PAPOLG: variants seen among roughly 807,000 people sequenced by gnomAD.
PAPOLG encodes PAP-gamma.
A neutral mutation model predicts 99.0 loss-of-function variants in PAPOLG; 40 were observed. The ratio of observed to expected loss-of-function variants is 0.40; its 90% CI spans 0.31 to 0.53. PAPOLG has a LOEUF of 0.53. PAPOLG is among the 20% of genes least tolerant of loss of function. PAPOLG has a pLI of 0.41. For synonymous variants in PAPOLG, 310 were observed against 299.3 expected (o/e 1.04, Z -0.37); for missense variants, 675 against 884.1 (o/e 0.76, Z 3.00).
At chr2:60,794,212 G>T (rs184253434) in intron 19 of PAPOLG, 21 bp downstream of exon 19, 2 of 1,599,556 alleles carry the variant, frequency 1.3e-6, no homozygotes, top group East Asian at 2.2e-5. Context: ...AACTTTAGTG[G>T]TAATTCAGTA....
intron 8 of PAPOLG, among the ~76,000 whole-genome samples, chr2:60,776,691 G>A (rs1365052197): frequency 6.6e-6 from 1 of 152,130 alleles, no homozygotes; most frequent in African/African-American, 2.4e-5. Flanking sequence ...GCCTCCCAAA[G>A]TGCTGGGATT....
chr2:60,796,924 T>G (rs1253925927), intron 21 of PAPOLG, 138 bp from the exon 22 acceptor site: 1 of 1,041,858 alleles, frequency 9.6e-7, no homozygotes, highest in African/African-American at 1.6e-5. Context: ...AAGGAAATAT[T>G]CATTGCATAC....
chr2:60,758,443 T>G (rs1573213042), intron 1 of PAPOLG, among the ~76,000 whole-genome samples: 1 of 148,918 alleles, frequency 6.7e-6, no homozygotes, highest in Non-Finnish European at 1.5e-5. Flanking sequence ...TTTTTTTTTT[T>G]TGAGACGGAG....
At chr2:60,786,752 A>G (rs1233821940) in intron 13 of PAPOLG, among the ~76,000 whole-genome samples, 195 bp from the exon 14 acceptor site, 1 of 151,416 alleles carries the variant, frequency 6.6e-6, no homozygotes, top group Admixed American at 6.6e-5. Context: ...CTGGTCTTGA[A>G]CTCCTGACCT....
Position 60,797,281 on chromosome 2 carries a change from C to A in PAPOLG, c.*121C>A. ...TAAGGTGAAAGTGACAGCCTTCAGT[C>A]TAATAACCTTGAAGTGGTTTTTGAA... On this transcript the variant is annotated 3_prime_UTR_variant, in exon 22 of 22. Transcript: ENST00000238714. The A allele has an allele frequency of 1.6e-6, 2 of 1,263,874 alleles. No individual in the cohort carries two copies. The highest frequency in any genetic ancestry group is 2.2e-6 in the Non-Finnish European group (2 of 897,620). 78.3% of individuals were successfully genotyped at this position (1,263,874 alleles called of 1,614,324 possible).
intron 10 of PAPOLG, among the ~76,000 whole-genome samples, chr2:60,781,325 C>G (rs540530234): frequency 2.0e-5 from 3 of 151,940 alleles, no homozygotes; most frequent in African/African-American, 7.2e-5. Context: ...CCACTGCACT[C>G]CAGCCTGGGT....
intron 7 of PAPOLG, among the ~76,000 whole-genome samples, chr2:60,772,919 T>C (rs1264775308): frequency 6.6e-6 from 1 of 151,256 alleles, no homozygotes; most frequent in Non-Finnish European, 1.5e-5. Context: ...CTGGTCTTTT[T>C]CTTTTCTTTT....
intron 21 of PAPOLG, among the ~76,000 whole-genome samples, chr2:60,796,208 CTTTTTTT>C (rs66526788): frequency 3.6e-5 from 4 of 110,336 alleles, no homozygotes; most frequent in South Asian, 3.1e-4. Context: ...TTTTGCCTTC[CTTTTTTT>C]TTTTTTTTTT....
chr2:60,760,422 C>T, intron 2 of PAPOLG, 127 bp downstream of exon 2: 2 of 824,134 alleles, frequency 2.4e-6, no homozygotes, highest in Non-Finnish European at 3.8e-6. Flanking sequence ...AATCTTGGCC[C>T]TCTTGGAGCT....
intron 7 of PAPOLG, among the ~76,000 whole-genome samples, chr2:60,773,701 G>GAAAAA (rs35118727): frequency 6.9e-6 from 1 of 145,756 alleles, no homozygotes. Context: ...TATAAAATGT[G>GAAAAA]AAAAAAAAAA....
At position 60,787,062 on chromosome 2, in the gene PAPOLG, A is replaced by G; in HGVS notation, c.1282A>G (p.Lys428Glu). 1.3e-6 allele frequency: 2 copies of G among 1,598,670 alleles called. No homozygotes were observed. Among genetic ancestry groups the G allele is most frequent in the Non-Finnish European group, 1.7e-6 (2 of 1,171,650 alleles). The change falls in exon 14 of 22, where the codon AAA becomes GAA. Residue 428 changes from lysine (K) to glutamate (E), a missense_variant. Coordinates refer to ENST00000238714, the MANE Select transcript of PAPOLG (RefSeq NM_022894.4). ...QSFPGNKEHH[K>E]DNNYVSMWFL... ...ATTCCCAGGGAATAAGGAACATCAT[A>G]AAGAGTAAGTTAATTGTTTTATAAT...
intron 15 of PAPOLG, among the ~76,000 whole-genome samples, chr2:60,788,104 G>A (rs1671422538): frequency 6.6e-6 from 1 of 151,944 alleles, no homozygotes; most frequent in Non-Finnish European, 1.5e-5. Flanking sequence ...TAAGTGGGGG[G>A]TAAAATTCAG....
intron 6 of PAPOLG, among the ~76,000 whole-genome samples, chr2:60,771,266 A>C (rs1350403349): frequency 6.6e-6 from 1 of 152,174 alleles, no homozygotes; most frequent in Non-Finnish European, 1.5e-5. Flanking sequence ...ATTTGCTCAT[A>C]AGGCTTTGAT....
intron 15 of PAPOLG, among the ~76,000 whole-genome samples, chr2:60,788,570 C>T (rs960905559): frequency 2.0e-5 from 3 of 152,126 alleles, no homozygotes; most frequent in African/African-American, 4.8e-5. Flanking sequence ...GATCCTGCCT[C>T]GGCCTCCCAA....
chr2:60,771,782 C>G (rs1203893810), intron 7 of PAPOLG, 152 bp downstream of exon 7: 1 of 804,990 alleles, frequency 1.2e-6, no homozygotes, highest in Non-Finnish European at 1.9e-6. Flanking sequence ...ATTTAAGAAT[C>G]CTAAAAACCA....
chr2:60,763,419 G>A (rs1670580311), intron 3 of PAPOLG, among the ~76,000 whole-genome samples: 1 of 151,930 alleles, frequency 6.6e-6, no homozygotes, highest in Admixed American at 6.6e-5. Context: ...TTTCCCCCCA[G>A]TATTTTTTAT....
At chr2:60,790,807 G>A (rs1026097385) in intron 15 of PAPOLG, among the ~76,000 whole-genome samples, 6 of 152,198 alleles carry the variant, frequency 3.9e-5, no homozygotes, top group Non-Finnish European at 8.8e-5. Context: ...TAGCTTAGAA[G>A]GCCAGGTGCA....
intron 3 of PAPOLG, among the ~76,000 whole-genome samples, chr2:60,766,374 T>C (rs1289490883): frequency 6.6e-6 from 1 of 152,142 alleles, no homozygotes; most frequent in Non-Finnish European, 1.5e-5. Context: ...ATGATACCGA[T>C]AGCCAGAAGC....
At chr2:60,764,592 A>AT (rs1231996034) in intron 3 of PAPOLG, among the ~76,000 whole-genome samples, 1 of 151,724 alleles carries the variant, frequency 6.6e-6, no homozygotes, top group Non-Finnish European at 1.5e-5. Flanking sequence ...CACCTGGCTA[A>AT]TTTTTGTATT....
Sources: gnomAD v4.1 joint callset for allele counts (sites outside exome capture counted in the v4.1 genomes callset) on GRCh38, gnomAD v4.1.1 for gene constraint, MANE v1.5 for transcripts, NCBI Gene and HGNC (gene_info 2026-07-23, HGNC 2026-07-21) for gene names.